The following NSUN4 variants were observed in gnomAD, a reference collection of about 807,000 sequenced individuals.
The protein encoded by NSUN4 is 5-cytosine rRNA methyltransferase NSUN4.
A neutral mutation model predicts 43.8 loss-of-function variants in NSUN4; 31 were observed. The observed-to-expected ratio is 0.71, with a 90% CI of 0.53 to 0.96. The LOEUF is 0.96. NSUN4 is among the 40% of genes least tolerant of loss of function. The pLI is 0.00. For missense variants in NSUN4, 439 were observed against 475.6 expected, an observed-to-expected ratio of 0.92 and a Z score of 0.72; for synonymous variants, 167 against 184.1, an observed-to-expected ratio of 0.91 and a Z score of 0.75.
the NSUN4 span, among the ~76,000 whole-genome samples, chr1:46,383,184 T>C: frequency 6.6e-6 from 1 of 152,152 alleles, no homozygotes; most frequent in Non-Finnish European, 1.5e-5. Context: ...AATGGGTGGA[T>C]TGGGCCATGA....
intron 1 of NSUN4, chr1:46,342,102 G>C: frequency 2.1e-6 from 1 of 476,476 alleles, no homozygotes; most frequent in Non-Finnish European, 3.4e-6. Context: ...TCGCCGGCCG[G>C]TGGAAACTAG....
At chr1:46,341,092 C>T (rs1662065015) in intron 1 of NSUN4, 173 bp downstream of exon 1, 1 of 1,200,030 alleles carries the variant, frequency 8.3e-7, no homozygotes, top group Non-Finnish European at 1.1e-6. Context: ...CACTCTATGT[C>T]CCGAGCGTTA....
At chr1:46,343,730 A>T in intron 1 of NSUN4, 1 of 400,708 alleles carries the variant, frequency 2.5e-6, no homozygotes. Flanking sequence ...AGAGTCCCCA[A>T]CTTAGCATAA....
the NSUN4 span, among the ~76,000 whole-genome samples, chr1:46,379,347 C>A: frequency 6.6e-6 from 1 of 151,952 alleles, no homozygotes; most frequent in Non-Finnish European, 1.5e-5. Flanking sequence ...CCAGGTGGGG[C>A]GGCTCACACC....
At chr1:46,360,877 G>GT in intron 5 of NSUN4, 49 bp downstream of exon 5, 1 of 1,603,650 alleles carries the variant, frequency 6.2e-7, no homozygotes, top group African/African-American at 1.3e-5. Flanking sequence ...AGTGCTCTGG[G>GT]AGACTGGGGG....
intron 3 of NSUN4, among the ~76,000 whole-genome samples, chr1:46,349,391 T>A (rs1457148726): frequency 6.6e-6 from 1 of 150,898 alleles, no homozygotes; most frequent in Non-Finnish European, 1.5e-5. Flanking sequence ...CCGCCCACCT[T>A]GGCCTCCCAA....
intron 3 of NSUN4, among the ~76,000 whole-genome samples, chr1:46,349,427 A>G (rs1439782457): frequency 2.0e-5 from 3 of 152,186 alleles, no homozygotes; most frequent in Non-Finnish European, 2.9e-5. Flanking sequence ...GGCGTGAGCC[A>G]CCGCGCCTGG....
At position 46,340,906 on chromosome 1, in the gene NSUN4, A is replaced by G. The variant is rs2148353127; in HGVS notation, c.80A>G (p.Tyr27Cys). The G allele has an allele frequency of 6.2e-7, 1 of 1,613,348 alleles. No individual in the cohort carries two copies. Among genetic ancestry groups the G allele is most frequent in the South Asian group, 1.1e-5 (1 of 91,000 alleles). ...GCGACGGTCCCGCGGAGACATCGAT[A>G]TAAGAAGAAATGGGTAAGGTCCGGC... ...DLATVPRRHR[Y>C]KKKWAATEPK... The change falls in exon 1 of 6, where the codon TAT (tyrosine) becomes TGT (cysteine). Residue 27 changes from tyrosine (Y) to cysteine (C), a missense_variant. Tyr to Cys is a radical substitution (Grantham distance 194). Transcript: ENST00000474844.
At chr1:46,368,382 C>G (rs1664183089), downstream of NSUN4, among the ~76,000 whole-genome samples, 1 of 152,248 alleles carries the variant, frequency 6.6e-6, no homozygotes, top group Non-Finnish European at 1.5e-5. Flanking sequence ...TTTGTTTTGA[C>G]CAGTAAAGTC....
intron 3 of NSUN4, 57 bp from the exon 4 acceptor site, chr1:46,352,811 A>G (rs1304860988): frequency 3.9e-6 from 6 of 1,554,848 alleles, no homozygotes; most frequent in Non-Finnish European, 5.3e-6. Context: ...CATCAGCGCC[A>G]TTGCTGGTGG....
At chr1:46,376,641 A>G in the NSUN4 span, among the ~76,000 whole-genome samples, 1 of 152,214 alleles carries the variant, frequency 6.6e-6, no homozygotes, top group South Asian at 2.1e-4. Flanking sequence ...ATGAAAGGAT[A>G]GAATAGAAAA....
At chr1:46,375,838 G>A in the NSUN4 span, among the ~76,000 whole-genome samples, 1 of 151,910 alleles carries the variant, frequency 6.6e-6, no homozygotes, top group Non-Finnish European at 1.5e-5. Flanking sequence ...TGGGCGCGGT[G>A]GCTCACGCCT....
the NSUN4 span, among the ~76,000 whole-genome samples, chr1:46,376,980 A>C: frequency 6.7e-6 from 1 of 149,680 alleles, no homozygotes; most frequent in African/African-American, 2.5e-5. Flanking sequence ...CTGATCTCAA[A>C]CTCCTGATCT....
chr1:46,349,122 G>GT (rs1375779918), intron 3 of NSUN4, among the ~76,000 whole-genome samples: 23 of 142,476 alleles, frequency 1.6e-4, no homozygotes, highest in Non-Finnish European at 2.3e-4. Context: ...CTTGTGCACT[G>GT]TTTTTTTTGG....
In NSUN4 at chr1:46,342,044, T is replaced by C. The variant is rs1662151744; in HGVS notation, c.93+1125T>C. 5 of 958,960 alleles carry C rather than the reference T, an allele frequency of 5.2e-6. No homozygotes were observed. In the East Asian group the frequency reaches 1.6e-4, roughly 32 times the overall value. The allele number at this position is 958,960 out of a possible 1,614,324, so 59.4% of individuals were successfully genotyped here. ...CTGGACCCATGATTTCGCCTCCTCCTACACATAGGACCCCGGGAACTTGCC... is the reference window on the plus strand; with the variant it reads ...CTGGACCCATGATTTCGCCTCCTCCCACACATAGGACCCCGGGAACTTGCC... On this transcript the variant is annotated intron_variant, in intron 1 of 5. Coordinates refer to ENST00000474844, the MANE Select transcript of NSUN4 (RefSeq NM_199044.4).
At chr1:46,375,051 TA>T in the NSUN4 span, among the ~76,000 whole-genome samples, 34 of 152,190 alleles carry the variant, frequency 2.2e-4, no homozygotes, top group Admixed American at 2.2e-3. Context: ...ATTAAATTTT[TA>T]AAAAGGGTAA....
intron 1 of NSUN4, chr1:46,341,754 T>G: frequency 8.1e-7 from 1 of 1,231,860 alleles, no homozygotes; most frequent in Non-Finnish European, 1.0e-6. Flanking sequence ...TTCCCCACTC[T>G]CCAGCCCTTA....
Position 46,341,481 on chromosome 1 carries a change from C to A in NSUN4, c.93+562C>A, listed in dbSNP as rs542171810. Reference sequence around the variant, plus strand: ...CGACCACCCTGTCCATACTGCCGGCCCAAACCCTGGCAAAAGGTGCAACGA... The same window carrying A: ...CGACCACCCTGTCCATACTGCCGGCACAAACCCTGGCAAAAGGTGCAACGA... On this transcript the variant is annotated intron_variant, in intron 1 of 5. Transcript: ENST00000474844. The A allele has an allele frequency of 3.9e-6, 4 of 1,026,290 alleles. No homozygotes were observed. The East Asian group carries it at 3.5e-4, about 89-fold the overall frequency. The allele number at this position is 1,026,290 out of a possible 1,614,324, so 63.6% of individuals were successfully genotyped here. A position where few individuals can be genotyped will look rare whatever the true frequency, so the allele number is the denominator to read the frequency against.
downstream of NSUN4, among the ~76,000 whole-genome samples, chr1:46,369,571 G>A (rs931580887): frequency 6.2e-4 from 94 of 152,168 alleles, 1 homozygote; most frequent in Non-Finnish European, 2.6e-4. Context: ...AACCTCGCCT[G>A]GAGGAAGAGA....
Sources: allele counts gnomAD v4.1 joint callset (sites outside exome capture counted in the v4.1 genomes callset), GRCh38; gene constraint gnomAD v4.1.1; transcripts MANE v1.5; gene names NCBI Gene and HGNC (gene_info 2026-07-23, HGNC 2026-07-21).